The following NBAS variants were observed in gnomAD, a reference collection of about 807,000 sequenced individuals.
The protein encoded by NBAS is NBAS subunit of NRZ tethering complex.
In NBAS, 219 loss-of-function variants were observed where a neutral mutation model predicts 302.5. The ratio of observed to expected loss-of-function variants is 0.72; its 90% CI spans 0.65 to 0.81. NBAS has a LOEUF of 0.81. Ranked by LOEUF, NBAS falls within the 30% of genes least tolerant of loss-of-function variation. The pLI is 0.00. For synonymous variants in NBAS, 1,118 were observed against 1,021.6 expected, an observed-to-expected ratio of 1.09 and a Z score of -1.80; for missense variants, 2,932 against 2,841.6, an observed-to-expected ratio of 1.03 and a Z score of -0.72.
At chr2:15,400,354 G>A (rs1676089500) in intron 26 of NBAS, among the ~76,000 whole-genome samples, 1 of 151,912 alleles carries the variant, frequency 6.6e-6, no homozygotes, top group South Asian at 2.1e-4. Context: ...ATTCAATCCA[G>A]GAAAAACAGA....
the NBAS span, among the ~76,000 whole-genome samples, chr2:14,783,175 T>A: frequency 2.0e-5 from 3 of 152,144 alleles, no homozygotes; most frequent in African/African-American, 7.2e-5. Flanking sequence ...TTCAATCTGA[T>A]AATGAAATGG....
the NBAS span, among the ~76,000 whole-genome samples, chr2:15,041,557 G>A: frequency 2.6e-5 from 4 of 152,368 alleles, no homozygotes; most frequent in Admixed American, 2.0e-4. Flanking sequence ...AATGCCTGGG[G>A]AGGGCCGGCA....
chr2:15,269,843 T>C (rs1669236525), intron 44 of NBAS, among the ~76,000 whole-genome samples: 1 of 152,216 alleles, frequency 6.6e-6, no homozygotes, highest in South Asian at 2.1e-4. Context: ...CAACTAGTCT[T>C]TAAGACTTTA....
chr2:15,556,699 T>C, intron 3 of NBAS, 84 bp downstream of exon 3: 1 of 1,278,370 alleles, frequency 7.8e-7, no homozygotes, highest in Admixed American at 1.8e-5. Context: ...GATCTAGAAT[T>C]CAATTATGAA....
chr2:15,328,272 G>C lies in NBAS; in HGVS notation c.4388C>G (p.Ala1463Gly). 6.2e-7 allele frequency: 1 copy of C among 1,613,860 alleles called. No homozygotes were observed. The highest frequency in any genetic ancestry group is 8.5e-7 in the Non-Finnish European group (1 of 1,179,926). Residue 1463 changes from alanine (A) to glycine (G), a missense_variant, in exon 37 of 52, where the codon GCC (alanine) becomes GGC (glycine). Physicochemically the swap from Ala to Gly is moderately conservative, Grantham distance 60. Transcript: ENST00000281513. Reference sequence around the variant, plus strand: ...CCCTTGTTTCTCTAGATCTTCATTGGCTGTAGTTCCGATTTGATATGCACC... The same window carrying C: ...CCCTTGTTTCTCTAGATCTTCATTGCCTGTAGTTCCGATTTGATATGCACC... ...CGGAYQIGTT[A>G]NEDLEKQGCH...
intron 11 of NBAS, among the ~76,000 whole-genome samples, chr2:15,497,337 G>A (rs1173380811): frequency 2.0e-5 from 3 of 152,128 alleles, no homozygotes; most frequent in South Asian, 2.1e-4. Flanking sequence ...GCTAATGTAG[G>A]AGAGATGACA....
the NBAS span, among the ~76,000 whole-genome samples, chr2:14,912,701 TTTAAAAAAAAAA>T: frequency 4.1e-5 from 3 of 73,624 alleles, no homozygotes; most frequent in African/African-American, 1.6e-4. Flanking sequence ...TGCATTCATT[TTTAAAAAAAAAA>T]AAAAAAAAAA....
chr2:14,966,553 T>C, the NBAS span, among the ~76,000 whole-genome samples: 1 of 152,166 alleles, frequency 6.6e-6, no homozygotes, highest in Admixed American at 6.6e-5. Context: ...ATTCTCCATC[T>C]GTTTGATTGG....
intron 9 of NBAS, among the ~76,000 whole-genome samples, chr2:15,520,233 C>T (rs935451375): frequency 6.6e-6 from 1 of 152,030 alleles, no homozygotes; most frequent in East Asian, 1.9e-4. Context: ...AAGACCCCAT[C>T]GCTTCAAAAA....
At chr2:15,145,383 A>C in the NBAS span, among the ~76,000 whole-genome samples, 10 of 136,838 alleles carry the variant, frequency 7.3e-5, no homozygotes, top group African/African-American at 2.9e-4. Context: ...ATGCATTGAG[A>C]TGTATGTGTT....
chr2:15,210,086 C>T (rs1173103326), intron 48 of NBAS, among the ~76,000 whole-genome samples: 1 of 151,828 alleles, frequency 6.6e-6, no homozygotes, highest in Non-Finnish European at 1.5e-5. Flanking sequence ...TGAGTAATAC[C>T]CCACAAGCAC....
the NBAS span, among the ~76,000 whole-genome samples, chr2:15,058,654 T>C: frequency 6.6e-6 from 1 of 152,146 alleles, no homozygotes; most frequent in Admixed American, 6.5e-5. Context: ...GATAACATCC[T>C]TGAGGCAGAA....
chr2:15,423,194 G>C (rs1283320921), intron 23 of NBAS, among the ~76,000 whole-genome samples: 1 of 152,268 alleles, frequency 6.6e-6, no homozygotes, highest in East Asian at 1.9e-4. Flanking sequence ...CGGAATTAAA[G>C]TAACTGAACT....
chr2:15,002,583 G>C, the NBAS span, among the ~76,000 whole-genome samples: 2 of 152,312 alleles, frequency 1.3e-5, no homozygotes, highest in Admixed American at 1.3e-4. Context: ...TGTGGAGCAG[G>C]GGGTGGCACT....
At chr2:14,838,351 C>G in the NBAS span, among the ~76,000 whole-genome samples, 1 of 151,892 alleles carries the variant, frequency 6.6e-6, no homozygotes, top group African/African-American at 2.4e-5. Flanking sequence ...TCATTAATTA[C>G]ATTTTTCAAT....
chr2:15,059,071 G>T, the NBAS span, among the ~76,000 whole-genome samples: 1 of 152,142 alleles, frequency 6.6e-6, no homozygotes, highest in Non-Finnish European at 1.5e-5. Flanking sequence ...CCTGTTTTGG[G>T]ATTCCCTCTA....
At chr2:15,267,087 T>C (rs1392339980) in intron 44 of NBAS, among the ~76,000 whole-genome samples, 2 of 152,246 alleles carry the variant, frequency 1.3e-5, no homozygotes, top group Non-Finnish European at 2.9e-5. Context: ...CCAGAAGCTA[T>C]TTCTTGACAT....
the NBAS span, among the ~76,000 whole-genome samples, chr2:14,830,110 C>T: frequency 6.6e-6 from 1 of 151,992 alleles, no homozygotes; most frequent in Non-Finnish European, 1.5e-5. Flanking sequence ...TCAGCTTTGC[C>T]TTCAGGCTGT....
the NBAS span, among the ~76,000 whole-genome samples, chr2:14,954,103 G>T: frequency 6.6e-6 from 1 of 152,222 alleles, no homozygotes; most frequent in Non-Finnish European, 1.5e-5. Flanking sequence ...GTGCATGCCA[G>T]ACCCTCTGTT....
Sources: allele counts gnomAD v4.1 joint callset (sites outside exome capture counted in the v4.1 genomes callset), GRCh38; gene constraint gnomAD v4.1.1; transcripts MANE v1.5; gene names NCBI Gene and HGNC (gene_info 2026-07-23, HGNC 2026-07-21).